The following CSMD1 variants were observed in gnomAD, a reference collection of about 807,000 sequenced individuals.
CSMD1 encodes the protein CUB and sushi domain-containing protein 1.
A neutral mutation model predicts 417.5 loss-of-function variants in CSMD1; 213 were observed. That is an observed-to-expected ratio of 0.51 (90% CI 0.46 to 0.57). CSMD1 has a LOEUF of 0.57. Ranked by LOEUF, CSMD1 falls within the 20% of genes least tolerant of loss-of-function variation. The pLI, the probability that CSMD1 is intolerant of heterozygous loss-of-function variation, is 0.00. For missense variants in CSMD1, 6,923 were observed against 4,529.7 expected (o/e 1.53, Z -15.17); for synonymous variants, 2,862 against 1,736.8 (o/e 1.65, Z -16.11).
At chr8:4,687,396 A>C (rs1806461619) in intron 1 of CSMD1, among the ~76,000 whole-genome samples, 1 of 152,208 alleles carries the variant, frequency 6.6e-6, no homozygotes. Flanking sequence ...ATGTCATAAA[A>C]ATACGTACTA....
intron 2 of CSMD1, among the ~76,000 whole-genome samples, chr8:4,446,739 GTGTGTGTGTGTGTGTC>G (rs1207981814): frequency 9.2e-4 from 113 of 122,366 alleles, no homozygotes; most frequent in South Asian, 6.5e-3. Context: ...GTGTCTGTGT[GTGTGTGTGTGTGTGTC>G]TGTGTGTGTG....
intron 46 of CSMD1, among the ~76,000 whole-genome samples, chr8:3,101,841 G>C (rs536685155): frequency 8.0e-6 from 1 of 124,896 alleles, no homozygotes; most frequent in Non-Finnish European, 1.6e-5. Context: ...TTGCTCTGTC[G>C]CTCAGGCTGG....
chr8:3,452,068 C>G (rs1158884562), intron 12 of CSMD1, among the ~76,000 whole-genome samples: 1 of 151,932 alleles, frequency 6.6e-6, no homozygotes. Flanking sequence ...ATTTTATTCT[C>G]TTTGAAGCAA....
At chr8:3,708,105 G>C (rs953075243) in intron 7 of CSMD1, among the ~76,000 whole-genome samples, 1 of 152,146 alleles carries the variant, frequency 6.6e-6, no homozygotes, top group Admixed American at 6.5e-5. Context: ...GTGCAAGGAC[G>C]GAGAGAGACT....
chr8:4,990,587 GACCT>G, intron 1 of CSMD1, among the ~76,000 whole-genome samples: 1 of 152,106 alleles, frequency 6.6e-6, no homozygotes, highest in Admixed American at 6.5e-5. Context: ...CTGGTCTCCT[GACCT>G]TTGATGATCC....
At chr8:4,022,042 T>C (rs1796813586) in intron 4 of CSMD1, among the ~76,000 whole-genome samples, 1 of 151,340 alleles carries the variant, frequency 6.6e-6, no homozygotes, top group Admixed American at 6.6e-5. Context: ...GCCTATATTT[T>C]TCATTCTTTA....
intron 3 of CSMD1, among the ~76,000 whole-genome samples, chr8:4,390,660 C>A (rs919311859): frequency 4.0e-5 from 6 of 151,670 alleles, no homozygotes; most frequent in Admixed American, 2.6e-4. Flanking sequence ...ACGACAGGCA[C>A]CCCCCACCAC....
intron 12 of CSMD1, among the ~76,000 whole-genome samples, chr8:3,465,800 T>A (rs1816762241): frequency 6.6e-6 from 1 of 152,152 alleles, no homozygotes; most frequent in South Asian, 2.1e-4. Context: ...TAAGATGATG[T>A]GGCATTTCTT....
chr8:4,907,695 A>G (rs1330626404), intron 1 of CSMD1, among the ~76,000 whole-genome samples: 1 of 150,478 alleles, frequency 6.6e-6, no homozygotes, highest in Non-Finnish European at 1.5e-5. Context: ...AGTAGCTGGG[A>G]CCACAGGCAC....
intron 1 of CSMD1, among the ~76,000 whole-genome samples, chr8:4,641,293 A>G (rs1234493903): frequency 2.6e-5 from 4 of 152,100 alleles, no homozygotes; most frequent in Non-Finnish European, 5.9e-5. Flanking sequence ...CCGAAATAAT[A>G]ATATACGAAA....
At chr8:3,608,589 C>T (rs560851596) in intron 8 of CSMD1, among the ~76,000 whole-genome samples, 1 of 151,798 alleles carries the variant, frequency 6.6e-6, no homozygotes, top group African/African-American at 2.4e-5. Context: ...TAGTGAAACC[C>T]CGTCTCTATT....
At position 4,426,450 on chromosome 8, in the gene CSMD1, T is replaced by C. The variant is rs946909762; in HGVS notation, c.303-6385A>G. On this transcript the variant is annotated intron_variant, in intron 2 of 69. Coordinates refer to ENST00000635120, the MANE Select transcript of CSMD1 (RefSeq NM_033225.6). The stretch of plus-strand genomic sequence containing the variant: ...AAACATATACTATATAGAGCATATA[T>C]AGTAAACATACAGACTACAGTTTAT... Among the ~76,000 whole-genome samples, 142 of 148,388 alleles carry C rather than the reference T, an allele frequency of 9.6e-4. 1 individual carries two copies. The highest frequency in any genetic ancestry group is 3.4e-3 in the African/African-American group (138 of 40,880).
chr8:3,615,241 C>G (rs2449238), intron 8 of CSMD1, among the ~76,000 whole-genome samples: 1 of 151,834 alleles, frequency 6.6e-6, no homozygotes, highest in Non-Finnish European at 1.5e-5. Context: ...TGACAGACAG[C>G]AAAGTGGGTA....
At chr8:3,176,936 C>A (rs1243055666) in intron 37 of CSMD1, among the ~76,000 whole-genome samples, 1 of 151,880 alleles carries the variant, frequency 6.6e-6, no homozygotes, top group African/African-American at 2.4e-5. Context: ...GGCCACCATG[C>A]CTGGCTAATT....
At chr8:4,018,393 T>C (rs1182619315) in intron 4 of CSMD1, among the ~76,000 whole-genome samples, 1 of 152,212 alleles carries the variant, frequency 6.6e-6, no homozygotes, top group Non-Finnish European at 1.5e-5. Flanking sequence ...TCTTGGCAAC[T>C]TCCTGCCTCG....
intron 2 of CSMD1, among the ~76,000 whole-genome samples, chr8:4,610,020 G>C (rs531478703): frequency 2.4e-4 from 36 of 151,010 alleles, no homozygotes; most frequent in African/African-American, 8.2e-4. Flanking sequence ...CTTTGTGTCA[G>C]GGTTCAGGAA....
At chr8:4,973,176 CTT>C (rs1370544905) in intron 1 of CSMD1, among the ~76,000 whole-genome samples, 1 of 151,982 alleles carries the variant, frequency 6.6e-6, no homozygotes, top group East Asian at 1.9e-4. Flanking sequence ...TTGCAGAACA[CTT>C]TATTACTTTT....
At chr8:3,088,482 A>C (rs1814698045) in intron 48 of CSMD1, among the ~76,000 whole-genome samples, 1 of 152,184 alleles carries the variant, frequency 6.6e-6, no homozygotes, top group Non-Finnish European at 1.5e-5. Context: ...CCTTGGAAAT[A>C]CATTCAGAAG....
In CSMD1 at chr8:3,162,228, G is replaced by C; in HGVS notation, c.5775C>G (p.Ile1925Met). The C allele has an allele frequency of 6.2e-7, 1 of 1,611,680 alleles. No individual in the cohort carries two copies. Among genetic ancestry groups the C allele is most frequent in the South Asian group, 1.1e-5 (1 of 90,136 alleles). ...CQEPALPSNSIKIGDRYMVND... is the reference protein window; with the variant it reads ...CQEPALPSNSMKIGDRYMVND... Reference sequence around the variant, plus strand: ...TCACCATGTACCGATCTCCGATTTTGATGCTGTTGCTGGGGAGGGCTGGTT... The same window carrying C: ...TCACCATGTACCGATCTCCGATTTTCATGCTGTTGCTGGGGAGGGCTGGTT... Residue 1925 changes from isoleucine (I) to methionine (M), a missense_variant, in exon 38 of 70, where the codon ATC becomes ATG. Coordinates refer to ENST00000635120, the MANE Select transcript of CSMD1 (RefSeq NM_033225.6).
Sources: allele counts gnomAD v4.1 joint callset (sites outside exome capture counted in the v4.1 genomes callset), GRCh38; gene constraint gnomAD v4.1.1; transcripts MANE v1.5; gene names NCBI Gene and HGNC (gene_info 2026-07-23, HGNC 2026-07-21).